GNAL: variants seen among roughly 807,000 people sequenced by gnomAD.
GNAL encodes the protein G protein subunit alpha L, also known as guanine nucleotide-binding protein G(olf) subunit alpha.
GNAL carries 18 observed loss-of-function variants against 55.1 expected under a neutral mutation model. The ratio of observed to expected loss-of-function variants is 0.33; its 90% confidence interval spans 0.23 to 0.48. The LOEUF is 0.48. Ranked by LOEUF, GNAL falls within the 20% of genes least tolerant of loss-of-function variation. GNAL has a pLI of 0.99. For missense variants in GNAL, 412 were observed against 614.1 expected, an observed-to-expected ratio of 0.67 and a Z score of 3.48; for synonymous variants, 253 against 237.0, an observed-to-expected ratio of 1.07 and a Z score of -0.62.
At chr18:11,692,854 C>T (rs1421450249) in intron 1 of GNAL, among the ~76,000 whole-genome samples, 1 of 152,052 alleles carries the variant, frequency 6.6e-6, no homozygotes, top group Non-Finnish European at 1.5e-5. Context: ...ACTACGCTGG[C>T]CAGGCTGATC....
intron 5 of GNAL, chr18:11,851,462 C>A (rs1235837141): frequency 6.8e-7 from 1 of 1,480,196 alleles, no homozygotes; most frequent in African/African-American, 1.4e-5. Flanking sequence ...CCTTCTCTGC[C>A]TTCGGCGCGC....
intron 4 of GNAL, among the ~76,000 whole-genome samples, chr18:11,798,653 T>C (rs1007887906): frequency 6.6e-6 from 1 of 152,196 alleles, no homozygotes; most frequent in African/African-American, 2.4e-5. Flanking sequence ...TTGCTGACAT[T>C]TGTCATGTTC....
intron 4 of GNAL, among the ~76,000 whole-genome samples, chr18:11,818,066 TAA>T (rs376490831): frequency 1.7e-3 from 233 of 134,026 alleles, no homozygotes; most frequent in African/African-American, 5.5e-3. Flanking sequence ...TACTAAAAAT[TAA>T]AAAAAAAAAA....
rs114955791 is a variant in GNAL at position 11,718,315 on chromosome 18, G to A, written c.376+28376G>A. Among the ~76,000 whole-genome samples, 809 of 152,012 alleles carry A rather than the reference G, an allele frequency of 5.3e-3. 6 individuals are homozygous for A. The highest frequency in any genetic ancestry group is 0.018 in the African/African-American group (742 of 41,470). On this transcript the variant is annotated intron_variant, in intron 1 of 11. Transcript: ENST00000334049. Reference sequence around the variant, plus strand: ...ATCTGAAAAATGACCGGCATTTATCGTTATCTTTAAGGTTAGATATTGACA... The same window carrying A: ...ATCTGAAAAATGACCGGCATTTATCATTATCTTTAAGGTTAGATATTGACA...
intron 1 of GNAL, among the ~76,000 whole-genome samples, chr18:11,717,193 C>A (rs919039819): frequency 2.0e-5 from 3 of 152,234 alleles, no homozygotes; most frequent in African/African-American, 7.2e-5. Context: ...GTGGAGCCAG[C>A]CGGCCGCTCC....
rs374057913 is a variant in GNAL at position 11,823,744 on chromosome 18, G to T, written c.625-1174G>T. 9.2e-5 allele frequency among the ~76,000 whole-genome samples: 14 copies of T among 152,338 alleles called. No homozygotes were observed. In the East Asian group the frequency reaches 2.5e-3, roughly 27 times the overall value. Reference sequence around the variant, plus strand: ...GGAGGAGTCGCTGGGACAGGCCATGGAGCCTGAGAACCCTGAAGATCAAAG... The same window carrying T: ...GGAGGAGTCGCTGGGACAGGCCATGTAGCCTGAGAACCCTGAAGATCAAAG... On this transcript the variant is annotated intron_variant, in intron 4 of 11. Coordinates refer to ENST00000334049, the MANE Select transcript of GNAL (RefSeq NM_182978.4).
chr18:11,826,205 A>G (rs2035239498), intron 5 of GNAL, among the ~76,000 whole-genome samples: 1 of 151,728 alleles, frequency 6.6e-6, no homozygotes, highest in Non-Finnish European at 1.5e-5. Flanking sequence ...AAGCCCAGAG[A>G]GCCAGGCTCC....
At chr18:11,782,559 A>C (rs1231761225) in intron 4 of GNAL, among the ~76,000 whole-genome samples, 1 of 152,200 alleles carries the variant, frequency 6.6e-6, no homozygotes, top group Non-Finnish European at 1.5e-5. Context: ...GGATAGTAGG[A>C]GAGAAGGCAA....
At chr18:11,733,267 C>T (rs1168559804) in intron 1 of GNAL, among the ~76,000 whole-genome samples, 1 of 152,244 alleles carries the variant, frequency 6.6e-6, no homozygotes, top group Admixed American at 6.5e-5. Context: ...TGAGGGACAG[C>T]TGTCATGTGT....
intron 5 of GNAL, among the ~76,000 whole-genome samples, chr18:11,843,780 CCTGA>C (rs112503404): frequency 0.052 from 7,891 of 151,652 alleles, 231 homozygotes; most frequent in South Asian, 0.097. Flanking sequence ...TTGAGACCAG[CCTGA>C]CTAACATGGA....
Position 11,864,577 on chromosome 18 carries a change from A to G in GNAL, c.822A>G (p.Thr274=), listed in dbSNP as rs760414326. The change falls in exon 7 of 12, where the codon ACA becomes ACG. Residue 274 remains threonine, a synonymous_variant. Transcript: ENST00000334049. ...CRVLTSGIFE[T]RFQVDKVNFH... ...TTCTGACATCTGGGATTTTTGAGAC[A>G]CGATTCCAAGTGGACAAAGTAAACT... 32 of 1,589,904 alleles carry G rather than the reference A, an allele frequency of 2.0e-5. No individual in the cohort carries two copies. In the South Asian group the frequency reaches 3.1e-4, roughly 15 times the overall value.
At chr18:11,689,994 C>A in intron 1 of GNAL, 55 bp downstream of exon 1, 1 of 1,037,058 alleles carries the variant, frequency 9.6e-7, no homozygotes, top group African/African-American at 2.2e-5. Flanking sequence ...GCCGGGCCCG[C>A]GGGGGCGGCG....
chr18:11,864,767 T>A (rs1477440348), intron 7 of GNAL, among the ~76,000 whole-genome samples, 161 bp downstream of exon 7: 1 of 152,188 alleles, frequency 6.6e-6, no homozygotes, highest in Non-Finnish European at 1.5e-5. Flanking sequence ...GTTGAAGTGT[T>A]GATTTTACTG....
At chr18:11,871,979 C>T (rs1197478221) in intron 9 of GNAL, among the ~76,000 whole-genome samples, 1 of 152,208 alleles carries the variant, frequency 6.6e-6, no homozygotes, top group Non-Finnish European at 1.5e-5. Context: ...TGCAAAGTGT[C>T]AAATGCTCCG....
chr18:11,794,482 A>G (rs534003856), intron 4 of GNAL, among the ~76,000 whole-genome samples: 4 of 152,338 alleles, frequency 2.6e-5, no homozygotes, highest in African/African-American at 9.6e-5. Flanking sequence ...TAGATGTGAA[A>G]GGCCACATAT....
At position 11,752,429 on chromosome 18, in the gene GNAL, C is replaced by T; in HGVS notation, c.377-424C>T. 6.2e-7 allele frequency: 1 copy of T among 1,602,564 alleles called. No homozygotes were observed. Among genetic ancestry groups the T allele is most frequent in the Non-Finnish European group, 8.5e-7 (1 of 1,175,696 alleles). On this transcript the variant is annotated intron_variant, in intron 1 of 11. Coordinates refer to ENST00000334049, the MANE Select transcript of GNAL (RefSeq NM_182978.4). This position sits in a 1 kb window ranked among gnomAD's most constrained non-coding sequence, Gnocchi z 4.5. ...ACTTCCTGACGTCCATCCCAGCGGGCAGGCATGGGGTGTTTGGGCGGCAAC... is the reference window on the plus strand; with the variant it reads ...ACTTCCTGACGTCCATCCCAGCGGGTAGGCATGGGGTGTTTGGGCGGCAAC...
chr18:11,880,771 C>T (rs185588356), intron 11 of GNAL, among the ~76,000 whole-genome samples: 95 of 152,238 alleles, frequency 6.2e-4, no homozygotes, highest in African/African-American at 2.3e-3. Flanking sequence ...CTGACCTATC[C>T]GTGCTGCTTC....
intron 5 of GNAL, among the ~76,000 whole-genome samples, chr18:11,835,328 T>A (rs2035475643): frequency 1.3e-5 from 2 of 151,834 alleles, no homozygotes; most frequent in African/African-American, 4.8e-5. Context: ...ATTTTTTTTT[T>A]AAGTACAATA....
chr18:11,730,778 A>G (rs946059347), intron 1 of GNAL, among the ~76,000 whole-genome samples: 1 of 152,110 alleles, frequency 6.6e-6, no homozygotes, highest in Non-Finnish European at 1.5e-5. Flanking sequence ...AGGAAAAAAA[A>G]TAAAATAAAA....
Sources: allele counts gnomAD v4.1 joint callset (sites outside exome capture counted in the v4.1 genomes callset), GRCh38; gene constraint gnomAD v4.1.1; non-coding constraint Gnocchi (gnomAD v3.1); transcripts MANE v1.5; gene names NCBI Gene and HGNC (gene_info 2026-07-23, HGNC 2026-07-21).